The following PDE9A variants were observed in gnomAD, a reference collection of about 807,000 sequenced individuals.
PDE9A encodes high affinity cGMP-specific 3',5'-cyclic phosphodiesterase 9A.
A neutral mutation model predicts 87.4 loss-of-function variants in PDE9A; 60 were observed. That is an observed-to-expected ratio of 0.69 (90% CI 0.56 to 0.85). The LOEUF is 0.85. Among genes scored for constraint, PDE9A ranks in the 40% least tolerant of loss-of-function variants. The pLI is 0.00. For synonymous variants in PDE9A, 272 were observed against 279.4 expected (o/e 0.97, Z 0.27); for missense variants, 665 against 779.0 (o/e 0.85, Z 1.74).
At chr21:42,683,052 G>A (rs1325680884) in intron 1 of PDE9A, among the ~76,000 whole-genome samples, 1 of 152,246 alleles carries the variant, frequency 6.6e-6, no homozygotes, top group African/African-American at 2.4e-5. Flanking sequence ...GATAGCTTAA[G>A]AAGACAGGGA....
rs62213384 is a variant in PDE9A at position 42,732,379 on chromosome 21, G to A, written c.497+255G>A. Among the ~76,000 whole-genome samples the A allele has an allele frequency of 0.1, 15,567 of 152,244 alleles. 1,002 individuals are homozygous for A. The highest frequency in any genetic ancestry group is 0.32 in the East Asian group (1,662 of 5,158). On this transcript the variant is annotated intron_variant, in intron 6 of 19. Coordinates refer to ENST00000291539, the MANE Select transcript of PDE9A (RefSeq NM_002606.3). The stretch of plus-strand genomic sequence containing the variant: ...CATTAGAATGTGAGCTCGTGAGGTC[G>A]AGAATGTTCTCCACCGGCTCTTCTG...
chr21:42,662,501 TCA>T (rs1377879920), intron 1 of PDE9A, among the ~76,000 whole-genome samples: 4 of 140,786 alleles, frequency 2.8e-5, no homozygotes, highest in South Asian at 4.6e-4. Context: ...CACATGCACA[TCA>T]CACACACGCA....
chr21:42,749,092 T>G (rs950524671), intron 8 of PDE9A, among the ~76,000 whole-genome samples: 3 of 152,120 alleles, frequency 2.0e-5, no homozygotes, highest in Non-Finnish European at 4.4e-5. Context: ...CACACCACGG[T>G]GAATATCTGT....
chr21:42,688,818 A>G (rs920204880), intron 3 of PDE9A, among the ~76,000 whole-genome samples: 1 of 152,212 alleles, frequency 6.6e-6, no homozygotes, highest in African/African-American at 2.4e-5. Context: ...GTCCTGCCCA[A>G]CTGACCCATG....
intron 1 of PDE9A, among the ~76,000 whole-genome samples, chr21:42,674,826 A>C (rs2058757102): frequency 6.6e-6 from 1 of 152,252 alleles, no homozygotes; most frequent in Non-Finnish European, 1.5e-5. Flanking sequence ...CTTCCAAATA[A>C]AAATGGTAAA....
chr21:42,748,503 C>G (rs952094202), intron 8 of PDE9A, among the ~76,000 whole-genome samples: 1 of 152,314 alleles, frequency 6.6e-6, no homozygotes, highest in South Asian at 2.1e-4. Context: ...AACACCGAAG[C>G]CTCTTTTTCC....
intron 1 of PDE9A, among the ~76,000 whole-genome samples, chr21:42,666,197 C>T (rs1212577478): frequency 6.6e-6 from 1 of 152,192 alleles, no homozygotes; most frequent in African/African-American, 2.4e-5. Context: ...AAGGGCGTGG[C>T]TGCAGCCGGA....
chr21:42,763,770 T>C (rs987849638), intron 14 of PDE9A, among the ~76,000 whole-genome samples: 6 of 152,194 alleles, frequency 3.9e-5, no homozygotes, highest in African/African-American at 1.4e-4. Context: ...ACTGGGAAGA[T>C]ACTCACCACC....
intron 1 of PDE9A, among the ~76,000 whole-genome samples, chr21:42,670,496 G>A (rs2058462867): frequency 6.8e-6 from 1 of 147,388 alleles, no homozygotes; most frequent in Non-Finnish European, 1.5e-5. Context: ...ACTTACACAC[G>A]CACTCACACC....
intron 4 of PDE9A, among the ~76,000 whole-genome samples, chr21:42,720,094 A>T (rs1443682155): frequency 2.0e-5 from 3 of 152,234 alleles, no homozygotes; most frequent in Non-Finnish European, 4.4e-5. Flanking sequence ...AGGCTGTCAG[A>T]TAATGGACAA....
rs1019105003 is a variant in PDE9A at position 42,683,340 on chromosome 21, C to T, written c.70-2852C>T. Among the ~76,000 whole-genome samples, 6 of 152,350 alleles carry T rather than the reference C, an allele frequency of 3.9e-5. No homozygotes were observed. The East Asian group carries it at 5.8e-4, about 15-fold the overall frequency. On this transcript the variant is annotated intron_variant, in intron 1 of 19. Transcript: ENST00000291539. The stretch of plus-strand genomic sequence containing the variant: ...GGTCAGTCATCGGAGGTGCTTACTG[C>T]GGTCCTTTTCCATGGGGCTCGAAGC...
At chr21:42,751,295 C>T in intron 9 of PDE9A, 98 bp downstream of exon 9, 1 of 864,818 alleles carries the variant, frequency 1.2e-6, no homozygotes, top group East Asian at 2.4e-5. Context: ...TGTGTACGTT[C>T]ACATCAACCG....
intron 6 of PDE9A, among the ~76,000 whole-genome samples, chr21:42,732,603 C>T (rs1321263259): frequency 6.6e-6 from 1 of 152,172 alleles, no homozygotes; most frequent in Non-Finnish European, 1.5e-5. Flanking sequence ...AAAGCACAGA[C>T]GGGTGGGATT....
intron 9 of PDE9A, among the ~76,000 whole-genome samples, chr21:42,751,427 C>A (rs897338883): frequency 9.2e-5 from 14 of 152,246 alleles, no homozygotes. Context: ...GACATAACAG[C>A]TCCGTGCTGC....
intron 4 of PDE9A, among the ~76,000 whole-genome samples, chr21:42,728,542 C>A (rs373061672): frequency 6.6e-5 from 10 of 152,294 alleles, no homozygotes; most frequent in East Asian, 1.9e-4. Flanking sequence ...CCAGAATAAA[C>A]CCCACTAAAT....
chr21:42,662,329 TTCCCAGGTTAGC>T (rs1207837884), intron 1 of PDE9A, among the ~76,000 whole-genome samples: 1 of 151,944 alleles, frequency 6.6e-6, no homozygotes, highest in Non-Finnish European at 1.5e-5. Context: ...ACAGCTCTGC[TTCCCAGGTTAGC>T]TCCCATCCAC....
At position 42,763,640 on chromosome 21, in the gene PDE9A, C is replaced by G. The variant is rs140380525; in HGVS notation, c.1242+1401C>G. ...GCCTAGTTTGTGGTACTTTGTGTGG[C>G]GGCCCCAGGACACTCACCCAGGGCA... On this transcript the variant is annotated intron_variant, in intron 14 of 19. Transcript: ENST00000291539. Among the ~76,000 whole-genome samples the G allele has an allele frequency of 2.7e-3, 418 of 152,260 alleles. 1 individual carries two copies. Among genetic ancestry groups the G allele is most frequent in the African/African-American group, 9.4e-3 (392 of 41,536 alleles).
chr21:42,729,886 C>G (rs1023433138), intron 4 of PDE9A, among the ~76,000 whole-genome samples: 1 of 152,084 alleles, frequency 6.6e-6, no homozygotes, highest in African/African-American at 2.4e-5. Flanking sequence ...GCCTCAGTTC[C>G]TTTAGATTGG....
rs2048735120 is a variant in PDE9A, at chr21:42,705,368, AGT to A, written c.262+6360_262+6361del. ...TGATGTAAGCCGCTCAAACTCAAAG[AGT>A]GTTGTTTTCCAGATTATAAAACACA... On this transcript the variant is annotated intron_variant, in intron 4 of 19. Coordinates refer to ENST00000291539, the MANE Select transcript of PDE9A (RefSeq NM_002606.3). The surrounding 1 kb of genome is among the most constrained non-coding windows in gnomAD (Gnocchi z 4.3). Among the ~76,000 whole-genome samples the A allele has an allele frequency of 6.6e-6, 1 of 152,146 alleles. No individual in the cohort carries two copies.
Sources: allele counts gnomAD v4.1 joint callset (sites outside exome capture counted in the v4.1 genomes callset), GRCh38; gene constraint gnomAD v4.1.1; non-coding constraint Gnocchi (gnomAD v3.1); transcripts MANE v1.5; gene names NCBI Gene and HGNC (gene_info 2026-07-23, HGNC 2026-07-21).